Variants in LIFR observed in about 807,000 individuals in gnomAD.
LIFR encodes the protein leukemia inhibitory factor receptor.
LIFR carries 84 observed loss-of-function variants against 122.2 expected under a neutral mutation model. That is an observed-to-expected ratio of 0.69 (90% confidence interval 0.58 to 0.82). The LOEUF is 0.82. LIFR is among the 40% of genes least tolerant of loss of function. The pLI is 0.00. For missense variants in LIFR, 1,294 were observed against 1,311.6 expected, an observed-to-expected ratio of 0.99 and a Z score of 0.21; for synonymous variants, 422 against 434.7, an observed-to-expected ratio of 0.97 and a Z score of 0.36.
At chr5:38,591,469 C>A (rs887015475) in intron 1 of LIFR, among the ~76,000 whole-genome samples, 16 of 152,206 alleles carry the variant, frequency 1.1e-4, no homozygotes, top group African/African-American at 3.9e-4. Context: ...GCTGAGGACT[C>A]CACACTAATG....
In LIFR at chr5:38,475,941, C is replaced by G. The variant is rs1743702417; in HGVS notation, c.*5654G>C. 5.1e-6 allele frequency: 1 copy of G among 196,680 alleles called. No individual in the cohort carries two copies. Among genetic ancestry groups the G allele is most frequent in the Admixed American group, 6.1e-5 (1 of 16,474 alleles). The allele number at this position is 196,680 out of a possible 1,614,324, so 12.2% of individuals were successfully genotyped here. ...GAATTTAAATGTATTTAAGAAAAAG[C>G]CGTGCTCTTTTTTGAGAAAATAACA... On this transcript the variant is annotated 3_prime_UTR_variant, in exon 20 of 20. Coordinates refer to ENST00000453190, the MANE Select transcript of LIFR (RefSeq NM_001127671.2).
chr5:38,527,171 T>A lies in LIFR; in HGVS notation c.381A>T (p.Leu127=). The change falls in exon 4 of 20, where the codon CTA becomes CTT. Residue 127 remains leucine, a synonymous_variant. Coordinates refer to ENST00000453190, the MANE Select transcript of LIFR (RefSeq NM_001127671.2). ...AATACTTACAAACGTTTTGTTCATT[T>A]AGTGTGAATTTACTTGTAGAACTTC... ...DFGSSTSKFT[L]NEQNVSLIPD... is the part of the protein sequence containing the mutation. The A allele has an allele frequency of 1.3e-6, 2 of 1,593,854 alleles. No homozygotes were observed. The highest frequency in any genetic ancestry group is 1.7e-4 in the Middle Eastern group (1 of 6,008).
intron 1 of LIFR, among the ~76,000 whole-genome samples, chr5:38,577,687 G>A (rs975093480): frequency 1.7e-4 from 26 of 152,176 alleles, no homozygotes; most frequent in African/African-American, 4.1e-4. Flanking sequence ...GCTTAACACA[G>A]TTTGAATTAA....
intron 11 of LIFR, among the ~76,000 whole-genome samples, chr5:38,500,967 A>C (rs563614321): frequency 1.4e-4 from 22 of 152,320 alleles, no homozygotes; most frequent in African/African-American, 4.1e-4. Flanking sequence ...AGAGAGGCCC[A>C]CAAGGTGAGG....
At chr5:38,508,593 T>TC (rs1745621827) in intron 7 of LIFR, among the ~76,000 whole-genome samples, 1 of 152,042 alleles carries the variant, frequency 6.6e-6, no homozygotes. Flanking sequence ...TTTTTTTTTT[T>TC]TGAGACGGAG....
chr5:38,527,112 C>T (rs929101382), intron 4 of LIFR, 43 bp downstream of exon 4: 6 of 1,530,152 alleles, frequency 3.9e-6, no homozygotes, highest in African/African-American at 2.7e-5. Flanking sequence ...TAACAAGTGA[C>T]ACTTGACTTA....
intron 1 of LIFR, among the ~76,000 whole-genome samples, chr5:38,546,717 A>G (rs1047717257): frequency 6.6e-6 from 1 of 152,206 alleles, no homozygotes; most frequent in Non-Finnish European, 1.5e-5. Context: ...GATTGTCTCT[A>G]TATCAAAAGC....
rs368962164 is a variant in LIFR, at chr5:38,523,724, G to A, written c.398-142C>T. 1.1e-4 allele frequency: 76 copies of A among 699,558 alleles called. No homozygotes were observed. The Middle Eastern group carries it at 1.5e-3, about 14-fold the overall frequency. The allele number at this position is 699,558 out of a possible 1,614,324, so 43.3% of individuals were successfully genotyped here. On this transcript the variant is annotated intron_variant, in intron 4 of 19. Coordinates refer to ENST00000453190, the MANE Select transcript of LIFR (RefSeq NM_001127671.2). Reference sequence around the variant, plus strand: ...AATCAAGATTTAAAAGGAAACTCTAGAACCCAGTAATAAGGACATGGACTG... The same window carrying A: ...AATCAAGATTTAAAAGGAAACTCTAAAACCCAGTAATAAGGACATGGACTG...
intron 1 of LIFR, among the ~76,000 whole-genome samples, chr5:38,583,252 A>C (rs926910171): frequency 6.6e-6 from 1 of 152,246 alleles, no homozygotes; most frequent in Non-Finnish European, 1.5e-5. Context: ...ACATATGCTA[A>C]TATTTTCATG....
chr5:38,496,707 G>C, intron 12 of LIFR, 112 bp from the exon 13 acceptor site: 1 of 792,042 alleles, frequency 1.3e-6, no homozygotes, highest in Non-Finnish European at 2.2e-6. Flanking sequence ...TTGGCCAGGC[G>C]TGGTGACTCA....
At chr5:38,526,767 T>A (rs115629035) in intron 4 of LIFR, among the ~76,000 whole-genome samples, 458 of 152,310 alleles carry the variant, frequency 3.0e-3, no homozygotes, top group African/African-American at 0.01. Flanking sequence ...TAAAACACAA[T>A]GAACTATTAA....
intron 1 of LIFR, among the ~76,000 whole-genome samples, chr5:38,580,133 TGA>T (rs1342992624): frequency 6.6e-6 from 1 of 152,224 alleles, no homozygotes; most frequent in Non-Finnish European, 1.5e-5. Flanking sequence ...CTTAATTCTA[TGA>T]GAGTCATCAT....
At chr5:38,499,486 A>G in intron 12 of LIFR, 27 bp downstream of exon 12, 1 of 1,441,664 alleles carries the variant, frequency 6.9e-7, no homozygotes, top group Non-Finnish European at 9.8e-7. Context: ...AGTAATGTAA[A>G]TGTTCACAGA....
intron 1 of LIFR, among the ~76,000 whole-genome samples, chr5:38,570,720 C>CA (rs1749181415): frequency 6.6e-6 from 1 of 152,120 alleles, no homozygotes; most frequent in African/African-American, 2.4e-5. Context: ...TAACGTTAGC[C>CA]AATTTGTGTC....
rs373421600 is a variant in LIFR, at chr5:38,506,025, C to T, written c.1171G>A (p.Glu391Lys). 39 of 1,605,828 alleles carry T rather than the reference C, an allele frequency of 2.4e-5. No individual in the cohort carries two copies. The highest frequency in any genetic ancestry group is 3.1e-5 in the Non-Finnish European group (36 of 1,174,888). ...RLKRAEAPTN[E>K]SYQLLFQMLP... ...ATTTGAAATAATAATTGATAGCTTT[C>T]GTTTGTAGGTGCTTCAGCTCTTTTA... Residue 391 changes from glutamate to lysine, a missense_variant, in exon 9 of 20, where the codon GAA becomes AAA. By Grantham distance (56) the Glu-to-Lys change is moderately conservative (BLOSUM62 1). Transcript: ENST00000453190.
At position 38,535,828 on chromosome 5, in the gene LIFR, C is replaced by T. The variant is rs184131872; in HGVS notation, c.-19-5162G>A. On this transcript the variant is annotated intron_variant, in intron 1 of 19. Transcript: ENST00000453190. ...CTTTCATTGTTAGGCTGCATGCTAA[C>T]CCAGGTACTGCCAACACTAGGAACC... 1.9e-3 allele frequency among the ~76,000 whole-genome samples: 292 copies of T among 152,298 alleles called. 4 individuals carry two copies. The highest frequency in any genetic ancestry group is 0.014 in the Admixed American group (207 of 15,288).
At chr5:38,598,649 A>C (rs1275455347), upstream of LIFR, among the ~76,000 whole-genome samples, 1 of 151,808 alleles carries the variant, frequency 6.6e-6, no homozygotes, top group African/African-American at 2.4e-5. Context: ...CCTTCCCCTG[A>C]CACCCCTCAA....
chr5:38,598,866 G>A (rs894998595), upstream of LIFR, among the ~76,000 whole-genome samples: 3 of 152,166 alleles, frequency 2.0e-5, no homozygotes, highest in African/African-American at 7.2e-5. Context: ...ACAATGCCTG[G>A]TGCATACTGA....
At chr5:38,542,493 G>T (rs10071384) in intron 1 of LIFR, among the ~76,000 whole-genome samples, 126,628 of 151,980 alleles carry the variant, frequency 0.83, 52,958 homozygotes, top group East Asian at 0.98. Flanking sequence ...CCTGCACAAA[G>T]GCAATGCTTC....
Sources: allele counts gnomAD v4.1 joint callset (sites outside exome capture counted in the v4.1 genomes callset), GRCh38; gene constraint gnomAD v4.1.1; transcripts MANE v1.5; gene names NCBI Gene and HGNC (gene_info 2026-07-23, HGNC 2026-07-21).